The following ITGB8 variants were observed in gnomAD, a reference collection of about 807,000 sequenced individuals.
The protein encoded by ITGB8 is integrin beta-8.
A neutral mutation model predicts 89.5 loss-of-function variants in ITGB8; 30 were observed. That is an observed-to-expected ratio of 0.34 (90% CI 0.25 to 0.45). The LOEUF is 0.45. Ranked by LOEUF, ITGB8 falls within the 20% of genes least tolerant of loss-of-function variation. The pLI is 1.00. For synonymous variants in ITGB8, 335 were observed against 320.4 expected (o/e 1.05, Z -0.49); for missense variants, 836 against 933.3 (o/e 0.90, Z 1.36).
intron 6 of ITGB8, among the ~76,000 whole-genome samples, chr7:20,385,827 C>T (rs965215064): frequency 2.3e-4 from 35 of 152,142 alleles, no homozygotes; most frequent in African/African-American, 7.2e-4. Context: ...ACGTTCATAA[C>T]ACTATTACAT....
intron 6 of ITGB8, among the ~76,000 whole-genome samples, chr7:20,388,720 G>A (rs1054872010): frequency 6.6e-6 from 1 of 151,908 alleles, no homozygotes; most frequent in Admixed American, 6.6e-5. Flanking sequence ...ACGTGCCATG[G>A]TGGTTTGCTG....
intron 9 of ITGB8, among the ~76,000 whole-genome samples, chr7:20,400,925 C>T (rs928975745): frequency 1.3e-5 from 2 of 152,088 alleles, no homozygotes; most frequent in Non-Finnish European, 2.9e-5. Context: ...AAAATAGGAA[C>T]AAAATTAAAA....
intron 8 of ITGB8, among the ~76,000 whole-genome samples, chr7:20,397,956 T>G (rs770183006): frequency 6.6e-6 from 1 of 152,140 alleles, no homozygotes; most frequent in Non-Finnish European, 1.5e-5. Context: ...TTTTCCTTTT[T>G]TTTGTTTGTT....
chr7:20,408,110 C>A (rs906337286), intron 12 of ITGB8, among the ~76,000 whole-genome samples: 3 of 152,204 alleles, frequency 2.0e-5, no homozygotes, highest in Non-Finnish European at 4.4e-5. Flanking sequence ...GGGATCAAGC[C>A]ACGTGCCCCC....
chr7:20,400,540 C>T (rs17142790), intron 9 of ITGB8, among the ~76,000 whole-genome samples: 1,732 of 152,096 alleles, frequency 0.011, 25 homozygotes, highest in African/African-American at 0.038. Flanking sequence ...AAAAGCTCAG[C>T]GCAAATTAAT....
At chr7:20,381,068 C>T (rs1241391491) in intron 5 of ITGB8, 6 of 362,928 alleles carry the variant, frequency 1.7e-5, no homozygotes, top group Non-Finnish European at 2.0e-5. Context: ...GTTATGAACG[C>T]GAAAATTCTT....
rs35420999 is a variant in ITGB8, at chr7:20,363,730, AT to A, written c.213+19del. 0.71 allele frequency: 915,873 copies of A among 1,288,128 alleles called. 306,808 individuals carry two copies. The highest frequency in any genetic ancestry group is 0.82 in the Middle Eastern group (4,143 of 5,080). 79.8% of individuals were successfully genotyped at this position (1,288,128 alleles called of 1,614,324 possible). A position where few individuals can be genotyped will look rare whatever the true frequency, so the allele number is the denominator to read the frequency against. ...GGATGGTGTGTTCAAGAGGTGTGCCATTTTTTTTTTTCTTTTTCTCATGGTT... is the reference window on the plus strand; with the variant it reads ...GGATGGTGTGTTCAAGAGGTGTGCCATTTTTTTTTTCTTTTTCTCATGGTT... On this transcript the variant is annotated intron_variant, in intron 2 of 13. Transcript: ENST00000222573.
chr7:20,399,742 C>T (rs576374064), intron 9 of ITGB8, among the ~76,000 whole-genome samples: 5 of 152,164 alleles, frequency 3.3e-5, no homozygotes, highest in South Asian at 2.1e-4. Flanking sequence ...GAGTCATTTA[C>T]GTCATGAGGC....
At chr7:20,365,613 T>A (rs868408010) in intron 2 of ITGB8, 24 of 152,122 alleles carry the variant, frequency 1.6e-4, no homozygotes, top group African/African-American at 5.8e-4. Context: ...ATATAGAACT[T>A]TGACAAGGTT....
intron 1 of ITGB8, among the ~76,000 whole-genome samples, chr7:20,354,654 A>G (rs1462187970): frequency 6.6e-6 from 1 of 152,206 alleles, no homozygotes; most frequent in Non-Finnish European, 1.5e-5. Context: ...AAGTCTGAAT[A>G]TGGCTGCTGC....
chr7:20,385,550 T>C (rs1047003409), intron 6 of ITGB8, among the ~76,000 whole-genome samples: 3 of 152,218 alleles, frequency 2.0e-5, no homozygotes, highest in African/African-American at 7.2e-5. Flanking sequence ...CAGCATCTTA[T>C]AGCATGGAGG....
At chr7:20,342,443 C>T (rs1464955893) in intron 1 of ITGB8, among the ~76,000 whole-genome samples, 1 of 152,180 alleles carries the variant, frequency 6.6e-6, no homozygotes, top group Non-Finnish European at 1.5e-5. Context: ...GCAAACTCAC[C>T]TTTCTAGGCC....
chr7:20,355,823 A>G (rs566838620), intron 1 of ITGB8, among the ~76,000 whole-genome samples: 4 of 152,366 alleles, frequency 2.6e-5, no homozygotes, highest in African/African-American at 9.6e-5. Flanking sequence ...AGCCAACTAC[A>G]AATATTTTGA....
At chr7:20,344,867 T>A (rs551618821) in intron 1 of ITGB8, among the ~76,000 whole-genome samples, 30 of 152,326 alleles carry the variant, frequency 2.0e-4, no homozygotes, top group African/African-American at 6.3e-4. Flanking sequence ...ACTGAACTCT[T>A]ACACTGTGCC....
chr7:20,373,178 T>C (rs1025311241), intron 3 of ITGB8, among the ~76,000 whole-genome samples: 5 of 152,214 alleles, frequency 3.3e-5, no homozygotes, highest in Non-Finnish European at 5.9e-5. Flanking sequence ...TGACTAGGGT[T>C]TCTTAAAAAA....
In ITGB8 at chr7:20,397,003, C is replaced by G. The variant is rs993844514; in HGVS notation, c.1147-1857C>G. On this transcript the variant is annotated intron_variant, in intron 8 of 13. Coordinates refer to ENST00000222573, the MANE Select transcript of ITGB8 (RefSeq NM_002214.3). ...ATATGTTTATATTATCAAAAATCTT[C>G]TAAACTTTCATTTTGTCTTCACAGT... 2.6e-5 allele frequency among the ~76,000 whole-genome samples: 4 copies of G among 152,122 alleles called. No individual in the cohort carries two copies. In the East Asian group the frequency reaches 7.7e-4, roughly 29 times the overall value.
At chr7:20,332,004 G>C in intron 1 of ITGB8, 71 bp downstream of exon 1, 5 of 1,560,946 alleles carry the variant, frequency 3.2e-6, no homozygotes, top group Middle Eastern at 3.6e-4. Context: ...AGAGCTGCCC[G>C]GCCAGAGCAT....
chr7:20,345,930 C>T (rs1209271028), intron 1 of ITGB8, among the ~76,000 whole-genome samples: 1 of 152,106 alleles, frequency 6.6e-6, no homozygotes, highest in Non-Finnish European at 1.5e-5. Context: ...CAGGAATTGA[C>T]ATAGGAGTAT....
chr7:20,407,214 C>T (rs1787580461), intron 12 of ITGB8, among the ~76,000 whole-genome samples: 1 of 152,006 alleles, frequency 6.6e-6, no homozygotes, highest in Non-Finnish European at 1.5e-5. Flanking sequence ...GAGGGGAAAA[C>T]TAACCACTCA....
Sources: allele counts gnomAD v4.1 joint callset (sites outside exome capture counted in the v4.1 genomes callset), GRCh38; gene constraint gnomAD v4.1.1; transcripts MANE v1.5; gene names NCBI Gene and HGNC (gene_info 2026-07-23, HGNC 2026-07-21).